Variants in CDK12 observed in about 807,000 individuals in gnomAD.
CDK12 encodes the protein cyclin dependent kinase 12.
A neutral mutation model predicts 133.8 loss-of-function variants in CDK12; 17 were observed. The ratio of observed to expected loss-of-function variants is 0.13; its 90% confidence interval spans 0.09 to 0.19. The LOEUF is 0.19. Ranked by LOEUF, CDK12 falls within the 10% of genes least tolerant of loss-of-function variation. The pLI is 1.00. For synonymous variants in CDK12, 694 were observed against 683.6 expected (o/e 1.02, Z -0.24); for missense variants, 1,508 against 1,818.7 (o/e 0.83, Z 3.11).
intron 2 of CDK12, among the ~76,000 whole-genome samples, chr17:39,473,269 T>TA (rs1044396588): frequency 2.7e-5 from 4 of 150,824 alleles, no homozygotes; most frequent in Non-Finnish European, 4.4e-5. Flanking sequence ...AGGGCTGCTT[T>TA]AAAAAAAAAG....
At chr17:39,541,343 G>A (rs2055402580) in intron 1 of CDK12, among the ~76,000 whole-genome samples, 3 of 151,452 alleles carry the variant, frequency 2.0e-5, no homozygotes, top group African/African-American at 7.3e-5. Flanking sequence ...CTCTTAATGG[G>A]AGGAGTTTGA....
rs2145191425 is a variant in CDK12, at chr17:39,471,130, G to A, written c.1298G>A (p.Ser433Asn). 1 of 1,600,022 alleles carries A rather than the reference G, an allele frequency of 6.2e-7. No individual in the cohort carries two copies. The highest frequency in any genetic ancestry group is 8.5e-7 in the Non-Finnish European group (1 of 1,175,522). ...GTATTTTTGCCTAGAAAAGAGAACA[G>A]TTCAGTAGAGGCTAAGGATTCAGGT... ...SPVFLPRKENSSVEAKDSGLE... is the reference protein window; with the variant it reads ...SPVFLPRKENNSVEAKDSGLE... The change falls in exon 2 of 14, where the codon AGT (serine) becomes AAT (asparagine). Residue 433 changes from serine to asparagine, a missense_variant. By Grantham distance (46) the Ser-to-Asn change is conservative (BLOSUM62 1). Around this residue, in one of 9 missense-constraint regions of CDK12, gnomAD observed 347 missense variants for 330.8 expected, o/e 1.05. Transcript: ENST00000447079.
At chr17:39,524,469 G>A (rs1022872853) in intron 11 of CDK12, among the ~76,000 whole-genome samples, 2 of 152,076 alleles carry the variant, frequency 1.3e-5, no homozygotes, top group African/African-American at 2.4e-5. Context: ...TGTAACTTTC[G>A]TACTTTTATT....
At position 39,517,977 on chromosome 17, in the gene CDK12, A is replaced by AT. The variant is rs574417333; in HGVS notation, c.2963+439dup. ...AAGCAATCCTCCCACCTTAGCCTTC[A>AT]TTTTTTTTTTTTTTTTTTGAGACAG... is the stretch of plus-strand genomic sequence containing the variant. On this transcript the variant is annotated intron_variant, in intron 10 of 13. Coordinates refer to ENST00000447079, the MANE Select transcript of CDK12 (RefSeq NM_016507.4). Among the ~76,000 whole-genome samples, 706 of 118,604 alleles carry AT rather than the reference A, an allele frequency of 6.0e-3. 7 individuals carry two copies. Among genetic ancestry groups the AT allele is most frequent in the African/African-American group, 0.01 (324 of 32,156 alleles). The allele number at this position is 118,604 out of a possible 152,430, so 77.8% of individuals were successfully genotyped here.
chr17:39,560,722 G>A (rs1164823611), intron 3 of CDK12, among the ~76,000 whole-genome samples: 1 of 152,176 alleles, frequency 6.6e-6, no homozygotes, highest in Non-Finnish European at 1.5e-5. Flanking sequence ...TAGATCAAAA[G>A]AGCGGCACAG....
intron 4 of CDK12, among the ~76,000 whole-genome samples, chr17:39,493,655 G>A (rs1292176441): frequency 6.6e-6 from 1 of 151,796 alleles, no homozygotes; most frequent in Non-Finnish European, 1.5e-5. Flanking sequence ...GTCTCCAAAA[G>A]TTATTGAGTA....
chr17:39,512,164 G>A lies in CDK12; in HGVS notation c.2768+534G>A, dbSNP rs186725815. Among the ~76,000 whole-genome samples the A allele has an allele frequency of 2.8e-3, 421 of 152,116 alleles. 2 individuals are homozygous for A. The highest frequency in any genetic ancestry group is 9.7e-3 in the African/African-American group (403 of 41,524). ...CTGTTCATAAGTATGATCATAGCAC[G>A]CTATATCCTTGAACTCCTGGGCTCA... On this transcript the variant is annotated intron_variant, in intron 8 of 13. Transcript: ENST00000447079.
intron 2 of CDK12, among the ~76,000 whole-genome samples, chr17:39,483,222 T>C (rs2050861035): frequency 6.6e-6 from 1 of 151,854 alleles, no homozygotes; most frequent in Non-Finnish European, 1.5e-5. Context: ...CTCAACTAAA[T>C]TTTTGATAAA....
chr17:39,541,987 A>T (rs2055441435), intron 1 of CDK12, among the ~76,000 whole-genome samples: 2 of 152,222 alleles, frequency 1.3e-5, no homozygotes, highest in Non-Finnish European at 2.9e-5. Context: ...CCAAGAGGCC[A>T]GAATCTTGAC....
chr17:39,511,790 A>G (rs959036965), intron 8 of CDK12, among the ~76,000 whole-genome samples, 160 bp downstream of exon 8: 11 of 152,030 alleles, frequency 7.2e-5, no homozygotes, highest in African/African-American at 2.7e-4. Context: ...ATATTTCTTA[A>G]TGTCAGAGAC....
rs2144911764 is a variant in CDK12, at chr17:39,463,070, C to T, written c.999C>T (p.Ser333=). The T allele has an allele frequency of 6.2e-7, 1 of 1,614,228 alleles. No homozygotes were observed. The change falls in exon 1 of 14, where the codon AGC becomes AGT. Residue 333 remains serine (S), a synonymous_variant. Transcript: ENST00000447079. ...SPSPYGRRRS[S]SPFLSKRSLS... is the part of the protein sequence containing the mutation. Reference sequence around the variant, plus strand: ...GTCCCTATGGTCGAAGGCGGTCCAGCAGCCCTTTCCTGAGCAAGCGGTCTC... The same window carrying T: ...GTCCCTATGGTCGAAGGCGGTCCAGTAGCCCTTTCCTGAGCAAGCGGTCTC...
chr17:39,521,575 T>C (rs2054168646), intron 11 of CDK12, among the ~76,000 whole-genome samples: 1 of 151,996 alleles, frequency 6.6e-6, no homozygotes, highest in African/African-American at 2.4e-5. Flanking sequence ...TTTTGTTTTT[T>C]CCGAGACGGA....
chr17:39,525,025 A>C (rs2054409575), intron 12 of CDK12, 140 bp downstream of exon 12: 1 of 649,266 alleles, frequency 1.5e-6, no homozygotes, highest in African/African-American at 1.8e-5. Flanking sequence ...TAATGTCCTC[A>C]TTATGGTGAG....
intron 2 of CDK12, among the ~76,000 whole-genome samples, chr17:39,473,075 TA>T (rs796227047): frequency 3.0e-3 from 415 of 139,676 alleles, no homozygotes; most frequent in Middle Eastern, 3.7e-3. Flanking sequence ...GACTCCGTCT[TA>T]AAAAAAAAAA....
At chr17:39,504,666 G>C (rs2052965729) in intron 6 of CDK12, among the ~76,000 whole-genome samples, 1 of 151,844 alleles carries the variant, frequency 6.6e-6, no homozygotes, top group Non-Finnish European at 1.5e-5. Context: ...GTCACTTGAT[G>C]CTAGGAGTTC....
intron 3 of CDK12, among the ~76,000 whole-genome samples, chr17:39,491,701 A>ATT (rs766596742): frequency 4.7e-4 from 56 of 117,932 alleles, no homozygotes; most frequent in East Asian, 1.5e-3. Flanking sequence ...CTGTTTATGT[A>ATT]TTTTTTTTTT....
In CDK12 at chr17:39,518,285, G is replaced by A. The variant is rs115631601; in HGVS notation, c.2963+729G>A. ...AGCCTCTGAGTCCGGCCCCACCTTA[G>A]CCTTCTGAATAGCTGGGACCACAGG... On this transcript the variant is annotated intron_variant, in intron 10 of 13. Transcript: ENST00000447079. 5.8e-3 allele frequency among the ~76,000 whole-genome samples: 882 copies of A among 151,456 alleles called. 7 individuals are homozygous for A. Among genetic ancestry groups the A allele is most frequent in the African/African-American group, 0.019 (799 of 41,328 alleles).
At chr17:39,505,429 G>A (rs895021501) in intron 6 of CDK12, among the ~76,000 whole-genome samples, 21 of 147,796 alleles carry the variant, frequency 1.4e-4, no homozygotes, top group Non-Finnish European at 2.7e-4. Flanking sequence ...GGAGGTTGAG[G>A]CAGGAGAATC....
At position 39,461,925 on chromosome 17, in the gene CDK12, G is replaced by A. The variant is rs1048552962; in HGVS notation, c.-147G>A. 1 of 637,966 alleles carries A rather than the reference G, an allele frequency of 1.6e-6. No individual in the cohort carries two copies. Among genetic ancestry groups the A allele is most frequent in the Non-Finnish European group, 2.8e-6 (1 of 361,446 alleles). 39.5% of individuals were successfully genotyped at this position (637,966 alleles called of 1,614,324 possible). A position where few individuals can be genotyped will look rare whatever the true frequency, so the allele number is the denominator to read the frequency against. On this transcript the variant is annotated 5_prime_UTR_variant, in exon 1 of 14. Transcript: ENST00000447079. The stretch of plus-strand genomic sequence containing the variant: ...AGGGTGCTGAGGCGTCGGGAGGGAG[G>A]AGGAGCCTGGGCTACCGTCCCTGCC...
Sources: gnomAD v4.1 joint callset for allele counts (sites outside exome capture counted in the v4.1 genomes callset) on GRCh38, gnomAD v4.1.1 for gene constraint, gnomAD v4.1.1 regional missense constraint, MANE v1.5 for transcripts, NCBI Gene and HGNC (gene_info 2026-07-23, HGNC 2026-07-21) for gene names.